The following CYP4A11 variants were observed in gnomAD, a reference collection of about 807,000 sequenced individuals.
CYP4A11 encodes cytochrome P450 4A11.
CYP4A11 carries 52 observed loss-of-function variants against 57.7 expected under a neutral mutation model. The observed-to-expected ratio is 0.90, with a 90% CI of 0.72 to 1.14. The LOEUF (loss-of-function observed/expected upper bound fraction) is 1.14. Among genes scored for constraint, CYP4A11 ranks in the 50% most tolerant of loss-of-function variants. The pLI is 0.00. For missense variants in CYP4A11, 641 were observed against 642.1 expected, an observed-to-expected ratio of 1.00 and a Z score of 0.02; for synonymous variants, 228 against 247.1, an observed-to-expected ratio of 0.92 and a Z score of 0.72.
Position 46,930,311 on chromosome 1 carries a change from C to T in CYP4A11, c.1365-1G>A, listed in dbSNP as rs1333278212. ...GGCAAATTGTTTCCCGATGCAGTTCCTGGGCCAGGTGGAGATAATGAATTG... is the reference window on the plus strand; with the variant it reads ...GGCAAATTGTTTCCCGATGCAGTTCTTGGGCCAGGTGGAGATAATGAATTG... On this transcript the variant is annotated splice_acceptor_variant, in intron 11 of 11. Transcript: ENST00000310638. LOFTEE classifies it high-confidence loss of function. 6.2e-7 allele frequency: 1 copy of T among 1,610,500 alleles called. No individual in the cohort carries two copies. The highest frequency in any genetic ancestry group is 1.3e-5 in the African/African-American group (1 of 74,856).
Position 46,934,421 on chromosome 1 carries a change from C to T in CYP4A11, c.897+32G>A, listed in dbSNP as rs755525405. On this transcript the variant is annotated intron_variant, in intron 7 of 11. Transcript: ENST00000310638. ...TTGTCTCTTGCTATGTACTTCTGGG[C>T]AAAGACTCAGGCCTCTCCTACACAT... 2.5e-6 allele frequency: 4 copies of T among 1,603,182 alleles called. No individual in the cohort carries two copies. The South Asian group carries it at 3.4e-5, about 14-fold the overall frequency.
Position 46,934,181 on chromosome 1 carries a change from G to A in CYP4A11, c.1083C>T (p.Ile361=). Residue 361 remains isoleucine (I), a synonymous_variant, in exon 8 of 12, where the codon ATC becomes ATT. Transcript: ENST00000310638. ...TCTTTTGAGCCCTCACTCACCAGGT[G>A]ATGGAGGCTCCATCACCCAGGAGGC... The part of the protein sequence containing the change: ...IHSLLGDGAS[I]TWNHLDQMPY... 1.2e-6 allele frequency: 2 copies of A among 1,613,938 alleles called. No homozygotes were observed. Among genetic ancestry groups the A allele is most frequent in the Non-Finnish European group, 1.7e-6 (2 of 1,179,916 alleles).
chr1:46,934,821 C>G (rs1396449065), intron 6 of CYP4A11, among the ~76,000 whole-genome samples, 179 bp downstream of exon 6: 2 of 152,178 alleles, frequency 1.3e-5, no homozygotes, highest in African/African-American at 4.8e-5. Flanking sequence ...ATTGATAAAC[C>G]AAGGCACAGA....
intron 9 of CYP4A11, 144 bp downstream of exon 9, chr1:46,933,802 A>T: frequency 7.4e-7 from 1 of 1,350,542 alleles, no homozygotes; most frequent in Non-Finnish European, 9.9e-7. Context: ...CAAATTCTTT[A>T]TCCCAAGTAC....
rs201947604 is a variant in CYP4A11 at position 46,935,088 on chromosome 1, A to C, written c.702T>G (p.Asn234Lys). 162 of 1,614,144 alleles carry C rather than the reference A, an allele frequency of 1.0e-4. No homozygotes were observed. Among genetic ancestry groups the C allele is most frequent in the Non-Finnish European group, 1.3e-4 (149 of 1,180,040 alleles). Reference protein sequence around the residue: ...LNNLVFSRVRNAFHQNDTIYS... With the variant: ...LNNLVFSRVRKAFHQNDTIYS... ...AGATGGTGTCATTCTGGTGAAAGGCATTCCTCACACGGGAAAAAACCAGGT... is the reference window on the plus strand; with the variant it reads ...AGATGGTGTCATTCTGGTGAAAGGCCTTCCTCACACGGGAAAAAACCAGGT... The change falls in exon 6 of 12, where the codon AAT becomes AAG. Residue 234 changes from asparagine (N) to lysine (K), a missense_variant. Coordinates refer to ENST00000310638, the MANE Select transcript of CYP4A11 (RefSeq NM_000778.4).
At chr1:46,939,025 C>G (rs1282254020) in intron 1 of CYP4A11, among the ~76,000 whole-genome samples, 1 of 151,578 alleles carries the variant, frequency 6.6e-6, no homozygotes, top group Non-Finnish European at 1.5e-5. Context: ...ATGCCCTTCC[C>G]CTCTGCCACA....
In CYP4A11 at chr1:46,941,381, A is replaced by G; in HGVS notation, c.53T>C (p.Ile18Thr). Residue 18 changes from isoleucine to threonine, a missense_variant, in exon 1 of 12, where the codon ATC becomes ACC. By Grantham distance (89) the Ile-to-Thr change is moderately conservative. Transcript: ENST00000310638. Reference sequence around the variant, plus strand: ...AATGAGCAGGGAGGCCGCTTGGAGGATTCCAGAGACATCACCCAGGAGTCT... The same window carrying G: ...AATGAGCAGGGAGGCCGCTTGGAGGGTTCCAGAGACATCACCCAGGAGTCT... The part of the protein sequence containing the change: ...PSRLLGDVSG[I>T]LQAASLLILL... The G allele has an allele frequency of 6.2e-7, 1 of 1,614,154 alleles. No individual in the cohort carries two copies. The highest frequency in any genetic ancestry group is 8.5e-7 in the Non-Finnish European group (1 of 1,180,024).
At chr1:46,937,943 G>A (rs1681514724) in intron 2 of CYP4A11, 53 bp downstream of exon 2, 3 of 1,606,134 alleles carry the variant, frequency 1.9e-6, no homozygotes, top group African/African-American at 1.3e-5. Flanking sequence ...AGACCCAGGA[G>A]CATGTGTCAA....
chr1:46,936,613 A>G (rs745545702), intron 4 of CYP4A11, 51 bp downstream of exon 4: 2 of 1,523,372 alleles, frequency 1.3e-6, no homozygotes, highest in Non-Finnish European at 1.8e-6. Flanking sequence ...GGAGTTGGTG[A>G]GAGTGTGTGC....
chr1:46,936,836 TG>T (rs2148462032), intron 3 of CYP4A11, 45 bp from the exon 4 acceptor site: 1 of 1,568,456 alleles, frequency 6.4e-7, no homozygotes, highest in Middle Eastern at 1.7e-4. Flanking sequence ...TGTGTGTGTG[TG>T]TGTGTGTCAG....
chr1:46,933,149 C>T (rs1378801713), intron 9 of CYP4A11, 102 bp from the exon 10 acceptor site: 69 of 1,527,472 alleles, frequency 4.5e-5, no homozygotes, highest in Non-Finnish European at 5.6e-5. Flanking sequence ...AGCCTACTTT[C>T]CACAAATTTT....
At chr1:46,930,432 C>T (rs1680949860) in intron 11 of CYP4A11, 122 bp from the exon 12 acceptor site, 1 of 1,107,026 alleles carries the variant, frequency 9.0e-7, no homozygotes, top group Middle Eastern at 2.9e-4. Flanking sequence ...ATGTGTCCAG[C>T]CCCTGCACAC....
chr1:46,941,152 A>G, intron 1 of CYP4A11, 87 bp downstream of exon 1: 1 of 1,522,472 alleles, frequency 6.6e-7, no homozygotes, highest in Non-Finnish European at 8.8e-7. Flanking sequence ...GTTACAAAAC[A>G]AGGCTTTGCT....
intron 11 of CYP4A11, chr1:46,931,539 G>T: frequency 2.6e-6 from 2 of 759,252 alleles, no homozygotes; most frequent in Non-Finnish European, 3.2e-6. Context: ...ATGATGTTAA[G>T]TTTTAAAATG....
intron 4 of CYP4A11, among the ~76,000 whole-genome samples, chr1:46,936,160 A>T (rs931197151): frequency 1.4e-4 from 21 of 152,226 alleles, no homozygotes; most frequent in African/African-American, 4.1e-4. Flanking sequence ...CAGAGTCCTG[A>T]CTGGAGATGA....
rs761138641 is a variant in CYP4A11 at position 46,933,932 on chromosome 1, G to C, written c.1222+14C>G. The stretch of plus-strand genomic sequence containing the variant: ...TGTGGAGAGTTTAGGTGAGAGGGTG[G>C]GGGAACTTCATACCTTTGGGCAAGG... On this transcript the variant is annotated intron_variant, in intron 9 of 11. Coordinates refer to ENST00000310638, the MANE Select transcript of CYP4A11 (RefSeq NM_000778.4). 10 of 1,614,016 alleles carry C rather than the reference G, an allele frequency of 6.2e-6. No individual in the cohort carries two copies. The South Asian group carries it at 8.8e-5, about 14-fold the overall frequency.
At chr1:46,936,364 G>A (rs761501024) in intron 4 of CYP4A11, among the ~76,000 whole-genome samples, 3 of 152,242 alleles carry the variant, frequency 2.0e-5, no homozygotes, top group Non-Finnish European at 4.4e-5. Context: ...TGTCCAGCAA[G>A]ATTGCATACT....
rs773396769 is a variant in CYP4A11 at position 46,936,696 on chromosome 1, C to T, written c.478G>A (p.Gly160Arg). ...FHYDILKPYV[G>R]LMADSVRVML... ...ACTCGTACAGAGTCTGCCATGAGCC[C>T]CACATAGGGCTTCAGGATGTCATAG... The change falls in exon 4 of 12, where the codon GGG becomes AGG. Residue 160 changes from glycine (G) to arginine (R), a missense_variant. Physicochemically the swap from Gly to Arg is moderately radical, Grantham distance 125 (BLOSUM62 -2). Transcript: ENST00000310638. 1.2e-6 allele frequency: 2 copies of T among 1,612,898 alleles called. No individual in the cohort carries two copies. Among genetic ancestry groups the T allele is most frequent in the East Asian group, 2.2e-5 (1 of 44,846 alleles).
chr1:46,931,552 T>C, intron 11 of CYP4A11: 1 of 742,458 alleles, frequency 1.3e-6, no homozygotes, highest in African/African-American at 1.9e-5. Flanking sequence ...TTAAAATGAA[T>C]AAAATATAAT....
Sources: allele counts gnomAD v4.1 joint callset (sites outside exome capture counted in the v4.1 genomes callset), GRCh38; gene constraint gnomAD v4.1.1; transcripts MANE v1.5; gene names NCBI Gene and HGNC (gene_info 2026-07-23, HGNC 2026-07-21).